TRPC5: variants seen among roughly 807,000 people sequenced by gnomAD.
TRPC5 encodes the protein transient receptor potential cation channel subfamily C member 5, also known as short transient receptor potential channel 5.
A neutral mutation model predicts 56.5 loss-of-function variants in TRPC5; 9 were observed. The observed-to-expected ratio is 0.16, with a 90% CI of 0.10 to 0.28. TRPC5 has a LOEUF of 0.28. Ranked by LOEUF, TRPC5 falls within the 10% of genes least tolerant of loss-of-function variation. TRPC5 has a pLI of 1.00. For synonymous variants in TRPC5, 282 were observed against 278.5 expected, an observed-to-expected ratio of 1.01 and a Z score of -0.13; for missense variants, 469 against 748.9, an observed-to-expected ratio of 0.63 and a Z score of 4.36.
intron 1 of TRPC5, among the ~76,000 whole-genome samples, chrX:112,002,265 C>T (rs144793160): frequency 0.02 from 2,294 of 112,037 alleles, 27 homozygotes; most frequent in Middle Eastern, 0.051. Context: ...ACTTCATCTT[C>T]GATTACCTTC....
intron 3 of TRPC5, among the ~76,000 whole-genome samples, chrX:111,856,688 C>T (rs1032476089): frequency 2.8e-5 from 3 of 107,297 alleles, no homozygotes; most frequent in African/African-American, 6.8e-5. Context: ...TGGTGGTGTG[C>T]GCCTGTAATC....
chrX:111,984,920 C>T (rs182758713), intron 1 of TRPC5, among the ~76,000 whole-genome samples: 4 of 112,137 alleles, frequency 3.6e-5, no homozygotes, highest in Non-Finnish European at 7.5e-5. Flanking sequence ...TGTTAATTTG[C>T]TTAAACAATG....
At position 111,960,617 on chromosome X, in the gene TRPC5, C is replaced by T. The variant is rs749154062; in HGVS notation, c.-21-8176G>A. Among the ~76,000 whole-genome samples the T allele has an allele frequency of 4.5e-5, 5 of 110,975 alleles. No individual in the cohort carries two copies. In the South Asian group the frequency reaches 1.9e-3, roughly 42 times the overall value. ...GCAGCGTAATTCGTTAAAAGTCTTG[C>T]ATTTCATTACTAGTCTTGGATTGTC... On this transcript the variant is annotated intron_variant, in intron 1 of 10. Coordinates refer to ENST00000262839, the MANE Select transcript of TRPC5 (RefSeq NM_012471.3).
intron 2 of TRPC5, among the ~76,000 whole-genome samples, chrX:111,931,729 T>G (rs1715660675): frequency 9.0e-6 from 1 of 111,601 alleles, no homozygotes; most frequent in African/African-American, 3.3e-5. Flanking sequence ...CTACAAACAT[T>G]AAATCGTACT....
intron 2 of TRPC5, among the ~76,000 whole-genome samples, chrX:111,944,267 AGTGTGTGT>A (rs36057312): frequency 5.6e-5 from 4 of 71,724 alleles, no homozygotes; most frequent in Non-Finnish European, 7.6e-5. Flanking sequence ...GGAGTAGAAG[AGTGTGTGT>A]GTGTGTGTGT....
At position 111,968,417 on chromosome X, in the gene TRPC5, C is replaced by T. The variant is rs572128749; in HGVS notation, c.-21-15976G>A. 1.9e-4 allele frequency among the ~76,000 whole-genome samples: 21 copies of T among 111,654 alleles called. No individual in the cohort carries two copies. The East Asian group carries it at 5.7e-3, about 30-fold the overall frequency. On this transcript the variant is annotated intron_variant, in intron 1 of 10. Coordinates refer to ENST00000262839, the MANE Select transcript of TRPC5 (RefSeq NM_012471.3). ...TCAACCATTGTGGAAGTCGGTGTGG[C>T]AATTCCTCAGGGATCTAGAACTAGA...
At chrX:111,941,721 G>A (rs755239586) in intron 2 of TRPC5, among the ~76,000 whole-genome samples, 3 of 112,162 alleles carry the variant, frequency 2.7e-5, no homozygotes, top group South Asian at 7.5e-4. Context: ...GCGTCAGAGA[G>A]GGGGAGATAC....
At chrX:111,898,313 A>G (rs1925174640) in intron 3 of TRPC5, among the ~76,000 whole-genome samples, 2 of 105,768 alleles carry the variant, frequency 1.9e-5, no homozygotes, top group Admixed American at 1.0e-4. Flanking sequence ...ACACACATAT[A>G]TCTGACAATG....
chrX:111,846,891 T>C (rs1922943951), intron 6 of TRPC5, among the ~76,000 whole-genome samples: 1 of 111,157 alleles, frequency 9.0e-6, no homozygotes, highest in South Asian at 3.8e-4. Flanking sequence ...TGTGTGCTTG[T>C]TTCTTTCCTA....
intron 3 of TRPC5, among the ~76,000 whole-genome samples, chrX:111,900,316 A>C (rs1925277575): frequency 9.0e-6 from 1 of 111,630 alleles, no homozygotes; most frequent in Non-Finnish European, 1.9e-5. Context: ...CCTGACTGGG[A>C]CTGGAGAAAG....
chrX:112,004,712 T>TG (rs1434213635), intron 1 of TRPC5, among the ~76,000 whole-genome samples: 1 of 111,163 alleles, frequency 9.0e-6, no homozygotes, highest in African/African-American at 3.3e-5. Flanking sequence ...GGAAAAGTAG[T>TG]GGGGGTATTC....
intron 2 of TRPC5, among the ~76,000 whole-genome samples, chrX:111,937,733 G>C (rs1187228464): frequency 2.0e-5 from 2 of 98,794 alleles, no homozygotes; most frequent in Non-Finnish European, 4.1e-5. Context: ...GTACCATGCT[G>C]TTTTGGTTAC....
chrX:111,817,751 T>A (rs1249354186), intron 7 of TRPC5, among the ~76,000 whole-genome samples: 1 of 111,455 alleles, frequency 9.0e-6, no homozygotes, highest in Non-Finnish European at 1.9e-5. Flanking sequence ...GGGTCACAGA[T>A]CTAGTCAATG....
At chrX:111,886,258 C>T (rs372110975) in intron 3 of TRPC5, among the ~76,000 whole-genome samples, 5 of 112,377 alleles carry the variant, frequency 4.4e-5, no homozygotes, top group African/African-American at 1.6e-4. Context: ...CCAGCCTGGG[C>T]GACAAGAGTG....
intron 3 of TRPC5, among the ~76,000 whole-genome samples, chrX:111,860,199 C>A (rs748300832): frequency 8.9e-6 from 1 of 112,740 alleles, no homozygotes. Flanking sequence ...TGAGCCACTA[C>A]GCCTGGCCTA....
chrX:111,889,102 G>A (rs1406898415), intron 3 of TRPC5, among the ~76,000 whole-genome samples: 4 of 112,078 alleles, frequency 3.6e-5, no homozygotes, highest in Admixed American at 9.5e-5. Flanking sequence ...AAATAAATTT[G>A]GGAGTCATCT....
At chrX:111,992,733 G>A (rs1459158119) in intron 1 of TRPC5, among the ~76,000 whole-genome samples, 1 of 108,958 alleles carries the variant, frequency 9.2e-6, no homozygotes, top group Non-Finnish European at 1.9e-5. Context: ...CTCGTGAGTA[G>A]CTGGGATTAC....
chrX:112,056,726 C>T (rs1375015660), intron 1 of TRPC5, among the ~76,000 whole-genome samples: 1 of 112,065 alleles, frequency 8.9e-6, no homozygotes, highest in African/African-American at 3.2e-5. Flanking sequence ...CATATGTTCA[C>T]TCTAACTCTG....
rs767944165 is a variant in TRPC5 at position 112,002,463 on chromosome X, A to T, written c.-21-50022T>A. On this transcript the variant is annotated intron_variant, in intron 1 of 10. Transcript: ENST00000262839. ...TGATCCACCACACCCAGCTAGAATCAGCATTTCTTTTATGCACCAAACACA... is the reference window on the plus strand; with the variant it reads ...TGATCCACCACACCCAGCTAGAATCTGCATTTCTTTTATGCACCAAACACA... Among the ~76,000 whole-genome samples the T allele has an allele frequency of 8.0e-5, 9 of 111,890 alleles. No individual in the cohort carries two copies. In the East Asian group the frequency reaches 2.5e-3, roughly 32 times the overall value.
Sources: gnomAD v4.1 joint callset for allele counts (sites outside exome capture counted in the v4.1 genomes callset) on GRCh38, gnomAD v4.1.1 for gene constraint, MANE v1.5 for transcripts, NCBI Gene and HGNC (gene_info 2026-07-23, HGNC 2026-07-21) for gene names.